The following ROBO2 variants were observed in gnomAD, a reference collection of about 807,000 sequenced individuals.
ROBO2 encodes roundabout homolog 2.
Under a neutral mutation model 160.8 loss-of-function variants are expected in ROBO2, and 53 were observed. The ratio of observed to expected loss-of-function variants is 0.33; its 90% CI spans 0.26 to 0.41. The LOEUF is 0.41. Ranked by LOEUF, ROBO2 falls within the 10% of genes least tolerant of loss-of-function variation. The probability of loss-of-function intolerance (pLI) is 1.00; values close to 1 mark genes in which losing one functional copy is unlikely to be tolerated. For synonymous variants in ROBO2, 664 were observed against 611.7 expected (o/e 1.09, Z -1.26); for missense variants, 1,577 against 1,722.4 (o/e 0.92, Z 1.49).
intron 2 of ROBO2, among the ~76,000 whole-genome samples, chr3:76,224,140 T>TG (rs1232604333): frequency 6.6e-6 from 1 of 152,146 alleles, no homozygotes; most frequent in Non-Finnish European, 1.5e-5. Context: ...ACTGTTTATT[T>TG]GGGGAACCCT....
intron 2 of ROBO2, among the ~76,000 whole-genome samples, chr3:75,954,866 A>G (rs1948670248): frequency 6.6e-6 from 1 of 151,914 alleles, no homozygotes; most frequent in Non-Finnish European, 1.5e-5. Context: ...CTATGCAATA[A>G]TGTAGATATA....
chr3:76,812,906 TA>T (rs1261871519), intron 2 of ROBO2, among the ~76,000 whole-genome samples: 1 of 134,002 alleles, frequency 7.5e-6, no homozygotes, highest in Non-Finnish European at 1.6e-5. Context: ...CACAGAAGTA[TA>T]AATTTTTTTT....
At chr3:77,517,663 TCAA>T (rs1348963208) in intron 5 of ROBO2, among the ~76,000 whole-genome samples, 1 of 151,506 alleles carries the variant, frequency 6.6e-6, no homozygotes, top group African/African-American at 2.4e-5. Flanking sequence ...TTACCCTTGG[TCAA>T]CTGTGGTTCA....
At chr3:76,672,205 C>T (rs2092286924) in intron 2 of ROBO2, among the ~76,000 whole-genome samples, 1 of 151,922 alleles carries the variant, frequency 6.6e-6, no homozygotes, top group Non-Finnish European at 1.5e-5. Context: ...AAGATAATTT[C>T]AGAACCCACA....
chr3:77,469,889 G>A (rs2083180660), intron 2 of ROBO2, among the ~76,000 whole-genome samples: 1 of 152,138 alleles, frequency 6.6e-6, no homozygotes, highest in South Asian at 2.1e-4. Flanking sequence ...TAACTTTTCT[G>A]ATACCCTTCA....
intron 2 of ROBO2, among the ~76,000 whole-genome samples, chr3:77,432,703 G>A (rs1007594414): frequency 6.6e-6 from 1 of 152,162 alleles, no homozygotes; most frequent in African/African-American, 2.4e-5. Context: ...GGGAGTGTTT[G>A]CCTATCACTG....
chr3:76,580,338 T>TG lies in ROBO2; in HGVS notation c.110-517676_110-517675insG, dbSNP rs796935249. Among the ~76,000 whole-genome samples the TG allele has an allele frequency of 1.1e-3, 137 of 127,018 alleles. 3 individuals carry two copies. Among genetic ancestry groups the TG allele is most frequent in the African/African-American group, 3.8e-3 (130 of 33,958 alleles). The allele number at this position is 127,018 out of a possible 152,430, so 83.3% of individuals were successfully genotyped here. A position where few individuals can be genotyped will look rare whatever the true frequency, so the allele number is the denominator to read the frequency against. On this transcript the variant is annotated intron_variant, in intron 2 of 26. Transcript: ENST00000487694. ...CCCTGTTTTTTTTTTGTTTTTTTTT[T>TG]TGTGTTTTTTTTTTTGTTTTTTTTT...
chr3:76,478,832 C>T (rs1018678676), intron 2 of ROBO2, among the ~76,000 whole-genome samples: 1 of 151,884 alleles, frequency 6.6e-6, no homozygotes, highest in East Asian at 1.9e-4. Flanking sequence ...GTCACCTCAT[C>T]TGGCTAATTT....
At chr3:76,127,917 A>G (rs532630450) in intron 2 of ROBO2, among the ~76,000 whole-genome samples, 75 of 97,280 alleles carry the variant, frequency 7.7e-4, no homozygotes, top group African/African-American at 2.8e-3. Flanking sequence ...TTTTTTTGAG[A>G]CGAAGTCCCA....
chr3:76,624,501 G>C (rs1411750429), intron 2 of ROBO2, among the ~76,000 whole-genome samples: 1 of 150,310 alleles, frequency 6.7e-6, no homozygotes, highest in Non-Finnish European at 1.5e-5. Flanking sequence ...ATGTACATTA[G>C]AATGTCTTTA....
chr3:77,012,680 C>T (rs915127939), intron 2 of ROBO2, among the ~76,000 whole-genome samples: 3 of 152,092 alleles, frequency 2.0e-5, no homozygotes, highest in Non-Finnish European at 2.9e-5. Context: ...CAGTGATTCC[C>T]AACTTTGGCT....
chr3:76,840,944 C>T (rs1202071560), intron 2 of ROBO2, among the ~76,000 whole-genome samples: 2 of 151,946 alleles, frequency 1.3e-5, no homozygotes, highest in Admixed American at 6.6e-5. Context: ...TTGAGGGGAA[C>T]ATCTGATGGT....
At chr3:77,247,355 C>T (rs771364058) in intron 2 of ROBO2, among the ~76,000 whole-genome samples, 2 of 151,918 alleles carry the variant, frequency 1.3e-5, no homozygotes, top group South Asian at 4.1e-4. Flanking sequence ...ATTTATGTGG[C>T]GAGGGAGAGG....
intron 2 of ROBO2, among the ~76,000 whole-genome samples, chr3:76,566,607 C>G (rs1201296791): frequency 6.6e-6 from 1 of 152,114 alleles, no homozygotes; most frequent in African/African-American, 2.4e-5. Flanking sequence ...ATAAAAGATG[C>G]ACCACAGTAA....
intron 2 of ROBO2, among the ~76,000 whole-genome samples, chr3:76,170,021 C>T (rs1241336568): frequency 6.6e-6 from 1 of 152,112 alleles, no homozygotes; most frequent in African/African-American, 2.4e-5. Flanking sequence ...ACCTCATGAT[C>T]CACTCGGCTC....
chr3:77,457,265 C>T (rs532031292), intron 2 of ROBO2, among the ~76,000 whole-genome samples: 1 of 152,224 alleles, frequency 6.6e-6, no homozygotes, highest in South Asian at 2.1e-4. Context: ...GAAACTAAGG[C>T]TCCTGATTTG....
intron 2 of ROBO2, among the ~76,000 whole-genome samples, chr3:77,169,116 G>T (rs1560153376): frequency 6.6e-6 from 1 of 152,152 alleles, no homozygotes. Context: ...GAAACATTCA[G>T]ATTCCAGCTC....
intron 16 of ROBO2, among the ~76,000 whole-genome samples, chr3:77,581,111 G>C (rs1285369471): frequency 6.6e-6 from 1 of 151,870 alleles, no homozygotes; most frequent in Non-Finnish European, 1.5e-5. Context: ...TGTGCTTATT[G>C]GCCATTCACA....
intron 2 of ROBO2, among the ~76,000 whole-genome samples, chr3:76,910,098 TAAGCC>T (rs1486700706): frequency 1.1e-4 from 16 of 152,158 alleles, no homozygotes; most frequent in Non-Finnish European, 2.2e-4. Context: ...AAAATATAGG[TAAGCC>T]TAGGTCAAAG....
Sources: gnomAD v4.1 joint callset for allele counts (sites outside exome capture counted in the v4.1 genomes callset) on GRCh38, gnomAD v4.1.1 for gene constraint, MANE v1.5 for transcripts, NCBI Gene and HGNC (gene_info 2026-07-23, HGNC 2026-07-21) for gene names.